The following ARL3 variants were observed in gnomAD, a reference collection of about 807,000 sequenced individuals.
ARL3 encodes ADP-ribosylation factor-like protein 3.
Under a neutral mutation model 26.0 loss-of-function variants are expected in ARL3, and 9 were observed. That is an observed-to-expected ratio of 0.35 (90% CI 0.21 to 0.60). The LOEUF (loss-of-function observed/expected upper bound fraction) is 0.60, where lower values mean the gene tolerates loss of function less well. Among genes scored for constraint, ARL3 ranks in the 20% least tolerant of loss-of-function variants. ARL3 has a pLI of 0.78. For synonymous variants in ARL3, 71 were observed against 78.4 expected (o/e 0.91, Z 0.50); for missense variants, 158 against 215.7 (o/e 0.73, Z 1.67).
At chr10:102,699,317 G>A in intron 3 of ARL3, 56 bp downstream of exon 3, 1 of 910,702 alleles carries the variant, frequency 1.1e-6, no homozygotes, top group East Asian at 2.7e-5. Flanking sequence ...CAGTGTCCAT[G>A]TTTCTAACAC....
At chr10:102,681,187 A>AG (rs2064154394) in intron 5 of ARL3, among the ~76,000 whole-genome samples, 1 of 152,080 alleles carries the variant, frequency 6.6e-6, no homozygotes. Context: ...CAGGAGTTCG[A>AG]GACCAGCCTG....
At chr10:102,687,554 G>C (rs1039254947) in intron 4 of ARL3, among the ~76,000 whole-genome samples, 3 of 152,058 alleles carry the variant, frequency 2.0e-5, no homozygotes, top group Non-Finnish European at 4.4e-5. Context: ...TGTGCATGGT[G>C]GTGGGCACAT....
At chr10:102,690,095 CCAAA>C (rs1361698715) in intron 3 of ARL3, 152 bp from the exon 4 acceptor site, 79 of 468,742 alleles carry the variant, frequency 1.7e-4, no homozygotes, top group African/African-American at 9.3e-4. Context: ...TTTATGAAGG[CCAAA>C]CAAACAAATA....
intron 2 of ARL3, among the ~76,000 whole-genome samples, chr10:102,704,554 C>T (rs967443944): frequency 2.0e-5 from 3 of 152,104 alleles, no homozygotes; most frequent in Non-Finnish European, 4.4e-5. Context: ...GTCCAAGAAT[C>T]GCTTGAACCT....
At chr10:102,677,046 G>A (rs1008002879) in intron 5 of ARL3, 105 bp from the exon 6 acceptor site, 8 of 1,305,304 alleles carry the variant, frequency 6.1e-6, no homozygotes, top group Admixed American at 5.3e-5. Context: ...CTCCCTCCCA[G>A]ACCGCCAGCT....
At chr10:102,693,371 T>A (rs1249921805) in intron 3 of ARL3, among the ~76,000 whole-genome samples, 2 of 152,162 alleles carry the variant, frequency 1.3e-5, no homozygotes, top group Non-Finnish European at 2.9e-5. Context: ...GTTTTTTTTT[T>A]ATTTTAGCCA....
At chr10:102,707,185 C>A (rs1476923824) in intron 1 of ARL3, among the ~76,000 whole-genome samples, 1 of 151,956 alleles carries the variant, frequency 6.6e-6, no homozygotes, top group Non-Finnish European at 1.5e-5. Flanking sequence ...GTGGTCCCAG[C>A]TACTCAGGAA....
chr10:102,676,703 G>T lies in ARL3; in HGVS notation c.*191C>A. The T allele has an allele frequency of 1.7e-6, 1 of 580,268 alleles. No individual in the cohort carries two copies. The highest frequency in any genetic ancestry group is 2.1e-5 in the South Asian group (1 of 47,648). 35.9% of individuals were successfully genotyped at this position (580,268 alleles called of 1,614,324 possible). On this transcript the variant is annotated 3_prime_UTR_variant, in exon 6 of 6. Transcript: ENST00000260746. ...AATATAATTCCTTTATTTGAAAAAT[G>T]ATACTGAACCTCAGAGATCAGTTAA...
chr10:102,713,077 G>GTTT (rs530168452), intron 1 of ARL3, among the ~76,000 whole-genome samples: 2 of 22,372 alleles, frequency 8.9e-5, no homozygotes, highest in East Asian at 2.5e-3. Flanking sequence ...TGGGCATCTA[G>GTTT]TTTTTTTGTT....
intron 3 of ARL3, among the ~76,000 whole-genome samples, chr10:102,691,127 T>C (rs2136001095): frequency 6.6e-6 from 1 of 152,290 alleles, no homozygotes; most frequent in East Asian, 1.9e-4. Context: ...ATCTCTCTTT[T>C]TCTTTTTATT....
intron 3 of ARL3, among the ~76,000 whole-genome samples, chr10:102,691,913 A>G (rs2064220165): frequency 6.6e-6 from 1 of 152,222 alleles, no homozygotes; most frequent in Non-Finnish European, 1.5e-5. Context: ...AGGCCTTAGA[A>G]TCTAATCCCA....
At chr10:102,690,005 T>C (rs1333213742) in intron 3 of ARL3, 62 bp from the exon 4 acceptor site, 1 of 1,098,342 alleles carries the variant, frequency 9.1e-7, no homozygotes, top group African/African-American at 1.6e-5. Context: ...GGGCAATTTC[T>C]GCAAAAGGAG....
In ARL3 at chr10:102,689,899, C is replaced by G. The variant is rs576741297; in HGVS notation, c.309G>C (p.Thr103=). 1 of 1,591,224 alleles carries G rather than the reference C, an allele frequency of 6.3e-7. No homozygotes were observed. Among genetic ancestry groups the G allele is most frequent in the African/African-American group, 1.3e-5 (1 of 74,108 alleles). Residue 103 remains threonine (T), a synonymous_variant, in exon 4 of 6, where the codon ACG becomes ACC. Transcript: ENST00000260746. Reference sequence around the variant, plus strand: ...ATAAAAAAGAATTATTTACCTGACCCGTCTCTTCAAATCTTTTTCTGTCTG... The same window carrying G: ...ATAAAAAAGAATTATTTACCTGACCGGTCTCTTCAAATCTTTTTCTGTCTG... ...DSADRKRFEE[T]GQELAELLEE... is the part of the protein sequence containing the mutation.
chr10:102,710,833 C>G (rs1337109409), intron 1 of ARL3, among the ~76,000 whole-genome samples: 2 of 152,156 alleles, frequency 1.3e-5, no homozygotes, highest in African/African-American at 4.8e-5. Context: ...AATAGATGTG[C>G]TATGGACTAC....
intron 1 of ARL3, among the ~76,000 whole-genome samples, chr10:102,706,446 G>A (rs953881584): frequency 2.6e-5 from 4 of 151,364 alleles, no homozygotes; most frequent in African/African-American, 4.9e-5. Flanking sequence ...GCAAGACTCC[G>A]TCTCAAAAAA....
chr10:102,676,768 T>C lies in ARL3; in HGVS notation c.*126A>G. 1 of 939,556 alleles carries C rather than the reference T, an allele frequency of 1.1e-6. No homozygotes were observed. Among genetic ancestry groups the C allele is most frequent in the South Asian group, 1.5e-5 (1 of 68,392 alleles). The allele number at this position is 939,556 out of a possible 1,614,324, so 58.2% of individuals were successfully genotyped here. The stretch of plus-strand genomic sequence containing the variant: ...TGGGGATTCTTTCTAAACCGTGTTG[T>C]TCCCTCTCTTCAAACAGCTGGAGCT... On this transcript the variant is annotated 3_prime_UTR_variant, in exon 6 of 6. Transcript: ENST00000260746.
intron 2 of ARL3, among the ~76,000 whole-genome samples, chr10:102,700,790 T>TG (rs1802806853): frequency 7.6e-6 from 1 of 132,072 alleles, no homozygotes; most frequent in Non-Finnish European, 1.7e-5. Flanking sequence ...TTTTTTTTTT[T>TG]GCAGAGTTGT....
Position 102,689,946 on chromosome 10 carries a change from A to G in ARL3, c.265-3T>C, listed in dbSNP as rs374219620. On this transcript the variant is annotated splice_polypyrimidine_tract_variant and splice_region_variant and intron_variant, in intron 3 of 5. Transcript: ENST00000260746. ...TCTGCACTGTCGATTACATATATCT[A>G]TAAAGGAAAAGAAGAAGGTTATTTC... The G allele has an allele frequency of 6.3e-7, 1 of 1,583,606 alleles. No homozygotes were observed. Among genetic ancestry groups the G allele is most frequent in the African/African-American group, 1.4e-5 (1 of 73,670 alleles).
intron 3 of ARL3, among the ~76,000 whole-genome samples, chr10:102,698,699 C>A (rs560277879): frequency 1.3e-5 from 2 of 152,296 alleles, no homozygotes; most frequent in South Asian, 4.1e-4. Context: ...GAAGTGACAG[C>A]GAGCTGGGAG....
Sources: allele counts gnomAD v4.1 joint callset (sites outside exome capture counted in the v4.1 genomes callset), GRCh38; gene constraint gnomAD v4.1.1; transcripts MANE v1.5; gene names NCBI Gene and HGNC (gene_info 2026-07-23, HGNC 2026-07-21).